Variants in GLCCI1 observed in about 807,000 individuals in gnomAD.
The protein encoded by GLCCI1 is glucocorticoid induced 1.
GLCCI1 carries 24 observed loss-of-function variants against 52.2 expected under a neutral mutation model. The ratio of observed to expected loss-of-function variants is 0.46; its 90% confidence interval spans 0.33 to 0.65. The LOEUF (loss-of-function observed/expected upper bound fraction) is 0.65. Among genes scored for constraint, GLCCI1 ranks in the 30% least tolerant of loss-of-function variants. The pLI is 0.02. For synonymous variants in GLCCI1, 310 were observed against 276.5 expected, an observed-to-expected ratio of 1.12 and a Z score of -1.20; for missense variants, 704 against 701.5, an observed-to-expected ratio of 1.00 and a Z score of -0.04.
intron 3 of GLCCI1, among the ~76,000 whole-genome samples, chr7:8,048,352 A>T (rs545266140): frequency 6.6e-6 from 1 of 151,382 alleles, no homozygotes; most frequent in African/African-American, 2.4e-5. Context: ...ACCTAAAACA[A>T]CCCTTCATGA....
In GLCCI1 at chr7:8,033,951, A is replaced by C. The variant is rs554025923; in HGVS notation, c.696+11382A>C. On this transcript the variant is annotated intron_variant, in intron 3 of 7. Coordinates refer to ENST00000223145, the MANE Select transcript of GLCCI1 (RefSeq NM_138426.4). ...ATACAAAGGATCTAGAAAAGTCCGAATAATCTTGAAAACGAAAAATTTGGT... is the reference window on the plus strand; with the variant it reads ...ATACAAAGGATCTAGAAAAGTCCGACTAATCTTGAAAACGAAAAATTTGGT... 5.9e-5 allele frequency among the ~76,000 whole-genome samples: 9 copies of C among 152,292 alleles called. No homozygotes were observed. In the South Asian group the frequency reaches 1.9e-3, roughly 32 times the overall value.
chr7:8,031,358 G>A (rs9655515), intron 3 of GLCCI1, among the ~76,000 whole-genome samples: 3,357 of 152,120 alleles, frequency 0.022, 137 homozygotes, highest in African/African-American at 0.077. Context: ...AATAGAACTC[G>A]TGGAACTAGA....
Position 7,996,960 on chromosome 7 carries a change from T to C in GLCCI1, c.458-6948T>C, listed in dbSNP as rs147806281. 1.8e-3 allele frequency among the ~76,000 whole-genome samples: 277 copies of C among 152,344 alleles called. 1 individual carries two copies. Among genetic ancestry groups the C allele is most frequent in the African/African-American group, 6.3e-3 (263 of 41,582 alleles). ...CAACTTGTGTCCTTCCTGTCACTTA[T>C]CTGAAGTTCATTTGAATTTGGTGAT... On this transcript the variant is annotated intron_variant, in intron 1 of 7. Transcript: ENST00000223145.
At chr7:8,038,156 T>A (rs1781910689) in intron 3 of GLCCI1, among the ~76,000 whole-genome samples, 1 of 152,164 alleles carries the variant, frequency 6.6e-6, no homozygotes, top group Non-Finnish European at 1.5e-5. Flanking sequence ...GGACAAACAT[T>A]CTAAGCTCTT....
At position 8,051,901 on chromosome 7, in the gene GLCCI1, C is replaced by A. The variant is rs185837358; in HGVS notation, c.697-3532C>A. 4.6e-5 allele frequency among the ~76,000 whole-genome samples: 7 copies of A among 152,198 alleles called. No individual in the cohort carries two copies. In the East Asian group the frequency reaches 1.4e-3, roughly 29 times the overall value. On this transcript the variant is annotated intron_variant, in intron 3 of 7. Coordinates refer to ENST00000223145, the MANE Select transcript of GLCCI1 (RefSeq NM_138426.4). The stretch of plus-strand genomic sequence containing the variant: ...TATATGTGTTGTAAATATATTTTCC[C>A]AGTTTATGATGTGCCTTTTTATTCT...
At chr7:8,069,219 C>G (rs1307074485) in intron 5 of GLCCI1, among the ~76,000 whole-genome samples, 2 of 151,812 alleles carry the variant, frequency 1.3e-5, no homozygotes, top group Non-Finnish European at 2.9e-5. Context: ...TGGGGTCCAC[C>G]CCAGAGAAAT....
chr7:8,070,965 T>C lies in GLCCI1; in HGVS notation c.1011T>C (p.His337=), dbSNP rs1267908175. 1 of 1,614,056 alleles carries C rather than the reference T, an allele frequency of 6.2e-7. No homozygotes were observed. Among genetic ancestry groups the C allele is most frequent in the Non-Finnish European group, 8.5e-7 (1 of 1,180,012 alleles). ...PDGRRAPLPA[H]YRSSSTRSID... ...GTCGAAGAGCTCCACTTCCTGCTCA[T>C]TACCGGAGCAGTAGTACTCGCAGCA... is the stretch of plus-strand genomic sequence containing the variant. Residue 337 remains histidine (H), a synonymous_variant, in exon 6 of 8, where the codon CAT becomes CAC. Transcript: ENST00000223145.
Position 7,978,214 on chromosome 7 carries a change from C to G in GLCCI1, c.457+8407C>G, listed in dbSNP as rs540262393. 7.2e-5 allele frequency among the ~76,000 whole-genome samples: 11 copies of G among 152,186 alleles called. No homozygotes were observed. In the East Asian group the frequency reaches 1.9e-3, roughly 27 times the overall value. On this transcript the variant is annotated intron_variant, in intron 1 of 7. Transcript: ENST00000223145. ...TTCCTTTCACATGAAATTTCAAAAT[C>G]TGGGTAGAATAAGGTCTCTTTTTTG... is the stretch of plus-strand genomic sequence containing the variant.
chr7:8,074,208 A>G (rs1475082367), intron 6 of GLCCI1, among the ~76,000 whole-genome samples: 1 of 152,200 alleles, frequency 6.6e-6, no homozygotes, highest in East Asian at 1.9e-4. Flanking sequence ...AGTAGGGAGT[A>G]ATTAGGAATG....
At chr7:7,990,788 A>T (rs184894700) in intron 1 of GLCCI1, among the ~76,000 whole-genome samples, 1 of 152,250 alleles carries the variant, frequency 6.6e-6, no homozygotes, top group East Asian at 1.9e-4. Context: ...GTCAATATAT[A>T]TGAAAGTAAA....
chr7:8,063,455 A>G (rs566427656), intron 5 of GLCCI1, among the ~76,000 whole-genome samples: 2 of 151,068 alleles, frequency 1.3e-5, no homozygotes, highest in South Asian at 4.2e-4. Flanking sequence ...CTGTTTTTTG[A>G]CTTTTTAATA....
At chr7:8,029,505 AAAG>A (rs1358951684) in intron 3 of GLCCI1, among the ~76,000 whole-genome samples, 1 of 152,030 alleles carries the variant, frequency 6.6e-6, no homozygotes, top group Middle Eastern at 3.2e-3. Flanking sequence ...GGGAAAAAGA[AAAG>A]AAGGATGTTC....
At chr7:8,022,313 G>A (rs756661627) in intron 2 of GLCCI1, among the ~76,000 whole-genome samples, 170 bp from the exon 3 acceptor site, 1 of 152,050 alleles carries the variant, frequency 6.6e-6, no homozygotes, top group African/African-American at 2.4e-5. Flanking sequence ...TTCAGAATAT[G>A]GCAGAATATT....
intron 1 of GLCCI1, among the ~76,000 whole-genome samples, chr7:7,982,430 ATGTTAT>A (rs1255032228): frequency 2.6e-5 from 4 of 152,154 alleles, no homozygotes; most frequent in African/African-American, 7.2e-5. Context: ...TTTTACACTA[ATGTTAT>A]TGTTATACAT....
chr7:8,025,292 A>G (rs1185933669), intron 3 of GLCCI1, among the ~76,000 whole-genome samples: 2 of 152,172 alleles, frequency 1.3e-5, no homozygotes, highest in Non-Finnish European at 2.9e-5. Flanking sequence ...GTGAGCCAAG[A>G]TCGCGCCACT....
Position 8,087,657 on chromosome 7 carries a change from T to A in GLCCI1, c.*1119T>A, listed in dbSNP as rs1783146199. On this transcript the variant is annotated 3_prime_UTR_variant, in exon 8 of 8. Transcript: ENST00000223145. The stretch of plus-strand genomic sequence containing the variant: ...AAAAGTGACATACTTTTTGTTATTG[T>A]CTTCCTCAAGCAGTTTAGGTGCATG... The A allele has an allele frequency of 6.6e-6, 1 of 152,656 alleles. No individual in the cohort carries two copies. The allele number at this position is 152,656 out of a possible 1,614,324, so 9.5% of individuals were successfully genotyped here. A position where few individuals can be genotyped will look rare whatever the true frequency, so the allele number is the denominator to read the frequency against.
chr7:7,971,541 TGTGA>T, intron 1 of GLCCI1, among the ~76,000 whole-genome samples: 1 of 152,244 alleles, frequency 6.6e-6, no homozygotes, highest in South Asian at 2.1e-4. Context: ...GTCTGGTGGG[TGTGA>T]GTAAGAGAAG....
At chr7:8,084,463 A>G (rs972129306) in intron 6 of GLCCI1, among the ~76,000 whole-genome samples, 2 of 152,184 alleles carry the variant, frequency 1.3e-5, no homozygotes, top group African/African-American at 4.8e-5. Flanking sequence ...TCTGCTAAGA[A>G]CTTTTGTAAT....
rs552165628 is a variant in GLCCI1, at chr7:8,045,603, A to G, written c.697-9830A>G. 7.9e-5 allele frequency among the ~76,000 whole-genome samples: 12 copies of G among 152,304 alleles called. No homozygotes were observed. The East Asian group carries it at 1.2e-3, about 15-fold the overall frequency. On this transcript the variant is annotated intron_variant, in intron 3 of 7. Coordinates refer to ENST00000223145, the MANE Select transcript of GLCCI1 (RefSeq NM_138426.4). ...GCAGTGCAACTATACCTGAAATACT[A>G]TACCCGAAATAATTCCACCTGACAC...
Sources: allele counts gnomAD v4.1 joint callset (sites outside exome capture counted in the v4.1 genomes callset), GRCh38; gene constraint gnomAD v4.1.1; transcripts MANE v1.5; gene names NCBI Gene and HGNC (gene_info 2026-07-23, HGNC 2026-07-21).